RAE1: variants seen among roughly 807,000 people sequenced by gnomAD.
The protein encoded by RAE1 is mRNA export factor RAE1.
RAE1 carries 13 observed loss-of-function variants against 52.7 expected under a neutral mutation model. That is an observed-to-expected ratio of 0.25 (90% CI 0.16 to 0.39). The LOEUF (loss-of-function observed/expected upper bound fraction) is 0.39, where lower values mean the gene tolerates loss of function less well. RAE1 is among the 10% of genes least tolerant of loss of function. The probability of loss-of-function intolerance (pLI) is 1.00; values close to 1 mark genes in which losing one functional copy is unlikely to be tolerated. For missense variants in RAE1, 262 were observed against 459.8 expected (o/e 0.57, Z 3.93); for synonymous variants, 164 against 153.1 (o/e 1.07, Z -0.52).
chr20:57,365,526 TATA>T (rs2066942976), intron 5 of RAE1, 84 bp downstream of exon 5: 2 of 971,662 alleles, frequency 2.1e-6, no homozygotes, highest in Non-Finnish European at 3.0e-6. Flanking sequence ...TTATTATAAT[TATA>T]ATAAGAAAAC....
intron 3 of RAE1, 52 bp downstream of exon 3, chr20:57,354,868 A>G: frequency 1.5e-6 from 2 of 1,378,960 alleles, no homozygotes; most frequent in Non-Finnish European, 2.0e-6. Flanking sequence ...TTGTATGGCC[A>G]AGGTTAGCTT....
chr20:57,374,852 T>C, intron 11 of RAE1, 51 bp downstream of exon 11: 1 of 1,605,114 alleles, frequency 6.2e-7, no homozygotes, highest in South Asian at 1.1e-5. Flanking sequence ...AGAGCCAGGC[T>C]CTGGGTTCAG....
intron 4 of RAE1, among the ~76,000 whole-genome samples, chr20:57,362,833 G>A (rs1318503759): frequency 6.6e-6 from 1 of 152,208 alleles, no homozygotes; most frequent in Non-Finnish European, 1.5e-5. Context: ...GCCCAGGAGT[G>A]CAGTGGTGCG....
chr20:57,367,233 C>T (rs781075116), intron 7 of RAE1, among the ~76,000 whole-genome samples, 154 bp downstream of exon 7: 46 of 152,228 alleles, frequency 3.0e-4, no homozygotes, highest in African/African-American at 1.0e-3. Context: ...TTGCCTCAGT[C>T]GTCTCCAATT....
Position 57,373,708 on chromosome 20 carries a change from C to G in RAE1, c.795C>G (p.Thr265=). ...FTFKCHRSNG[T]NTSAPQDIYA... ...TTAAATGTCATCGATCTAATGGAAC[C>G]AACACTTCAGCTCCTCAGGACATTT... The change falls in exon 10 of 12, where the codon ACC becomes ACG. Residue 265 remains threonine (T), a synonymous_variant. Transcript: ENST00000395841. 4.3e-6 allele frequency: 7 copies of G among 1,614,084 alleles called. No homozygotes were observed. Among genetic ancestry groups the G allele is most frequent in the Non-Finnish European group, 5.9e-6 (7 of 1,179,950 alleles).
Position 57,354,696 on chromosome 20 carries a change from G to A in RAE1, c.91-16G>A. ...GTGAGCGTGCATACATTTTAACATT[G>A]ACTTTTTTCCCGCAGGATATTGAAG... On this transcript the variant is annotated splice_polypyrimidine_tract_variant and intron_variant, in intron 2 of 11. Coordinates refer to ENST00000395841, the MANE Select transcript of RAE1 (RefSeq NM_003610.4). The A allele has an allele frequency of 6.5e-7, 1 of 1,542,188 alleles. No individual in the cohort carries two copies. The highest frequency in any genetic ancestry group is 1.2e-5 in the South Asian group (1 of 81,296).
At chr20:57,359,978 G>T (rs1191902295) in intron 4 of RAE1, 1 of 152,166 alleles carries the variant, frequency 6.6e-6, no homozygotes, top group Non-Finnish European at 1.5e-5. Flanking sequence ...AGCGAGGTTT[G>T]GGGCTAGAGT....
intron 7 of RAE1, 57 bp downstream of exon 7, chr20:57,367,136 C>T: frequency 7.1e-7 from 1 of 1,417,088 alleles, no homozygotes; most frequent in Non-Finnish European, 9.7e-7. Flanking sequence ...AATAAGTATT[C>T]TCACCTTGTG....
chr20:57,377,948 A>G, intron 11 of RAE1, 65 bp from the exon 12 acceptor site: 2 of 1,235,716 alleles, frequency 1.6e-6, no homozygotes, highest in Non-Finnish European at 2.3e-6. Context: ...CACCTAGAAA[A>G]AGCACCTACA....
At chr20:57,366,978 C>T (rs750925123) in intron 6 of RAE1, 30 bp from the exon 7 acceptor site, 1 of 1,592,626 alleles carries the variant, frequency 6.3e-7, no homozygotes, top group Non-Finnish European at 8.6e-7. Context: ...TCTGAATGGT[C>T]ACATACTGGC....
At chr20:57,376,639 A>G (rs964120701) in intron 11 of RAE1, among the ~76,000 whole-genome samples, 13 of 152,196 alleles carry the variant, frequency 8.5e-5, no homozygotes. Context: ...TGTGTAAGCC[A>G]TGCACTCAGT....
intron 7 of RAE1, among the ~76,000 whole-genome samples, chr20:57,368,138 G>T (rs752824836): frequency 7.2e-5 from 11 of 152,050 alleles, no homozygotes; most frequent in Non-Finnish European, 1.5e-4. Flanking sequence ...CACCTGCCTC[G>T]GCCTCCCAAA....
At chr20:57,353,889 T>C in intron 1 of RAE1, 143 bp from the exon 2 acceptor site, 1 of 647,442 alleles carries the variant, frequency 1.5e-6, no homozygotes, top group South Asian at 2.0e-5. Flanking sequence ...GAAAGCACTC[T>C]GCTCATTGCG....
At chr20:57,352,580 T>A (rs2066726484) in intron 1 of RAE1, among the ~76,000 whole-genome samples, 1 of 152,222 alleles carries the variant, frequency 6.6e-6, no homozygotes, top group African/African-American at 2.4e-5. Context: ...CGAACGATTC[T>A]CACCTACCAT....
At chr20:57,370,313 G>A (rs1391671764) in intron 8 of RAE1, among the ~76,000 whole-genome samples, 2 of 152,186 alleles carry the variant, frequency 1.3e-5, no homozygotes, top group Admixed American at 1.3e-4. Context: ...CTGGAACAGA[G>A]CTTCATTCAC....
chr20:57,374,071 G>T (rs1329844666), intron 10 of RAE1, among the ~76,000 whole-genome samples: 2 of 152,108 alleles, frequency 1.3e-5, no homozygotes, highest in South Asian at 2.1e-4. Context: ...TAGTAGAGAC[G>T]GCGTTTCACC....
chr20:57,368,660 C>A, intron 7 of RAE1, 45 bp from the exon 8 acceptor site: 1 of 1,374,848 alleles, frequency 7.3e-7, no homozygotes, highest in Non-Finnish European at 1.0e-6. Context: ...AAAAACAGCA[C>A]ACTCCTTCAC....
intron 4 of RAE1, chr20:57,358,907 G>T: frequency 1.5e-6 from 2 of 1,318,886 alleles, no homozygotes; most frequent in Non-Finnish European, 2.0e-6. Flanking sequence ...TAGGCTTGTT[G>T]GAGTTTTTAT....
At chr20:57,353,029 C>G (rs960875546) in intron 1 of RAE1, among the ~76,000 whole-genome samples, 1 of 152,214 alleles carries the variant, frequency 6.6e-6, no homozygotes, top group Non-Finnish European at 1.5e-5. Flanking sequence ...ACTCAAATGC[C>G]TTCCCCAAAT....
Sources: gnomAD v4.1 joint callset for allele counts (sites outside exome capture counted in the v4.1 genomes callset) on GRCh38, gnomAD v4.1.1 for gene constraint, MANE v1.5 for transcripts, NCBI Gene and HGNC (gene_info 2026-07-23, HGNC 2026-07-21) for gene names.